KCNB2: variants seen among roughly 807,000 people sequenced by gnomAD.
KCNB2 encodes the protein delayed rectifier potassium channel protein.
A neutral mutation model predicts 61.5 loss-of-function variants in KCNB2; 15 were observed. That is an observed-to-expected ratio of 0.24 (90% confidence interval 0.16 to 0.38). The LOEUF (loss-of-function observed/expected upper bound fraction) is 0.38. Among genes scored for constraint, KCNB2 ranks in the 10% least tolerant of loss-of-function variants. KCNB2 has a pLI of 1.00. For missense variants in KCNB2, 828 were observed against 1,125.2 expected (o/e 0.74, Z 3.78); for synonymous variants, 457 against 446.0 (o/e 1.02, Z -0.31).
At chr8:72,811,665 T>A (rs1262144640) in intron 2 of KCNB2, among the ~76,000 whole-genome samples, 1 of 152,212 alleles carries the variant, frequency 6.6e-6, no homozygotes, top group Admixed American at 6.5e-5. Flanking sequence ...GGAAAGGAAA[T>A]CTTTCTTTCT....
intron 2 of KCNB2, among the ~76,000 whole-genome samples, chr8:72,922,656 A>C (rs781561488): frequency 3.0e-4 from 46 of 152,162 alleles, no homozygotes; most frequent in Non-Finnish European, 6.0e-4. Context: ...CTCTGTCTCA[A>C]TCACTTCCCA....
intron 2 of KCNB2, among the ~76,000 whole-genome samples, chr8:72,759,590 G>A (rs181441417): frequency 1.1e-4 from 17 of 152,172 alleles, no homozygotes; most frequent in African/African-American, 3.9e-4. Context: ...TAACCAAACT[G>A]CAACATGGCA....
At chr8:72,762,882 A>AAT (rs10551590) in intron 2 of KCNB2, among the ~76,000 whole-genome samples, 21,333 of 141,334 alleles carry the variant, frequency 0.15, 1,611 homozygotes, top group South Asian at 0.28. Flanking sequence ...CATATTAACA[A>AAT]ATATATATAT....
At chr8:72,674,166 A>G (rs2246063) in intron 2 of KCNB2, among the ~76,000 whole-genome samples, 107,712 of 152,026 alleles carry the variant, frequency 0.71, 39,080 homozygotes, top group African/African-American at 0.85. Context: ...CCTAAGCGTA[A>G]CTCTGATGAC....
At chr8:72,787,038 CT>C (rs1226766381) in intron 2 of KCNB2, among the ~76,000 whole-genome samples, 4 of 152,152 alleles carry the variant, frequency 2.6e-5, no homozygotes, top group African/African-American at 9.7e-5. Context: ...TGATAAAGTA[CT>C]CATCATTTTT....
Position 72,673,183 on chromosome 8 carries a change from T to C in KCNB2, c.579+104870T>C, listed in dbSNP as rs576756828. Among the ~76,000 whole-genome samples the C allele has an allele frequency of 2.0e-5, 3 of 152,312 alleles. No individual in the cohort carries two copies. In the South Asian group the frequency reaches 6.2e-4, roughly 32 times the overall value. ...GCCCAGATTTCCACTAGCAAATGAA[T>C]AGATGAGTGAAGTGTGGTGATATGG... On this transcript the variant is annotated intron_variant, in intron 2 of 2. Coordinates refer to ENST00000523207, the MANE Select transcript of KCNB2 (RefSeq NM_004770.3).
At chr8:72,904,518 A>G (rs1285532129) in intron 2 of KCNB2, among the ~76,000 whole-genome samples, 1 of 152,122 alleles carries the variant, frequency 6.6e-6, no homozygotes, top group Admixed American at 6.6e-5. Context: ...CCTGAACTTA[A>G]AAGTTGGACA....
intron 2 of KCNB2, chr8:72,749,534 A>G (rs1299508514): frequency 6.6e-6 from 1 of 151,844 alleles, no homozygotes; most frequent in African/African-American, 2.4e-5. Flanking sequence ...TCCTTTGCCC[A>G]TCTCAGCAAA....
At chr8:72,657,895 A>G (rs1806317257) in intron 2 of KCNB2, among the ~76,000 whole-genome samples, 1 of 152,156 alleles carries the variant, frequency 6.6e-6, no homozygotes, top group Non-Finnish European at 1.5e-5. Context: ...GCACCCATAT[A>G]AGACAGAGAA....
intron 2 of KCNB2, among the ~76,000 whole-genome samples, chr8:72,766,264 C>T (rs965169642): frequency 2.8e-4 from 42 of 152,324 alleles, no homozygotes; most frequent in African/African-American, 1.0e-3. Flanking sequence ...GCAACCTGGA[C>T]ATATTGTGTA....
chr8:72,716,654 G>A (rs1446699838), intron 2 of KCNB2, among the ~76,000 whole-genome samples: 1 of 152,092 alleles, frequency 6.6e-6, no homozygotes, highest in Admixed American at 6.6e-5. Context: ...GTATTGATGG[G>A]ACGTATCTCA....
At chr8:72,668,937 ATGTG>A (rs947071040) in intron 2 of KCNB2, among the ~76,000 whole-genome samples, 1 of 151,654 alleles carries the variant, frequency 6.6e-6, no homozygotes, top group Non-Finnish European at 1.5e-5. Context: ...GTGTGCATGC[ATGTG>A]TGTGTGTGTC....
Position 72,820,987 on chromosome 8 carries a change from A to G in KCNB2, c.580-114948A>G, listed in dbSNP as rs150089208. 5.5e-3 allele frequency among the ~76,000 whole-genome samples: 839 copies of G among 152,220 alleles called. 6 individuals carry two copies. The highest frequency in any genetic ancestry group is 0.019 in the African/African-American group (782 of 41,504). On this transcript the variant is annotated intron_variant, in intron 2 of 2. Transcript: ENST00000523207. ...CCTTCAAAAGAACTGTAATCTGCTA[A>G]AGTTTTTTTTACAGTATTCTGTAAC...
chr8:72,847,723 A>T (rs1261748344), intron 2 of KCNB2, among the ~76,000 whole-genome samples: 1 of 147,404 alleles, frequency 6.8e-6, no homozygotes, highest in African/African-American at 2.7e-5. Context: ...TGCAAAAAAT[A>T]AAAAAAACAG....
intron 2 of KCNB2, among the ~76,000 whole-genome samples, chr8:72,851,835 A>ACAAAACAAAAC (rs1554538985): frequency 4.3e-5 from 5 of 116,380 alleles, no homozygotes; most frequent in African/African-American, 2.0e-4. Flanking sequence ...GGAAAAAAAA[A>ACAAAACAAAAC]AAAAAAAAAA....
rs74741881 is a variant in KCNB2, at chr8:72,758,429, C to T, written c.580-177506C>T. 3.0e-4 allele frequency among the ~76,000 whole-genome samples: 45 copies of T among 152,196 alleles called. No individual in the cohort carries two copies. The East Asian group carries it at 7.9e-3, about 27-fold the overall frequency. On this transcript the variant is annotated intron_variant, in intron 2 of 2. Coordinates refer to ENST00000523207, the MANE Select transcript of KCNB2 (RefSeq NM_004770.3). ...GCAAGGATGCTGGAAAAGACCAAGCCGAACAGGCTCAAAACAAATGTGTAT... is the reference window on the plus strand; with the variant it reads ...GCAAGGATGCTGGAAAAGACCAAGCTGAACAGGCTCAAAACAAATGTGTAT...
intron 2 of KCNB2, among the ~76,000 whole-genome samples, chr8:72,839,383 C>T (rs1016347977): frequency 1.3e-5 from 2 of 152,090 alleles, no homozygotes; most frequent in Non-Finnish European, 2.9e-5. Flanking sequence ...CAATTGTATG[C>T]CTTGCCATGT....
chr8:72,790,862 G>T (rs140817971), intron 2 of KCNB2, among the ~76,000 whole-genome samples: 1 of 152,282 alleles, frequency 6.6e-6, no homozygotes, highest in African/African-American at 2.4e-5. Context: ...TTCCTGAGGA[G>T]TATCAAGTTC....
intron 2 of KCNB2, among the ~76,000 whole-genome samples, chr8:72,774,857 A>G (rs1210930819): frequency 1.3e-5 from 2 of 152,164 alleles, no homozygotes; most frequent in African/African-American, 4.8e-5. Flanking sequence ...GAGACCTGCT[A>G]GAATTCTTTA....
Sources: gnomAD v4.1 joint callset for allele counts (sites outside exome capture counted in the v4.1 genomes callset) on GRCh38, gnomAD v4.1.1 for gene constraint, MANE v1.5 for transcripts, NCBI Gene and HGNC (gene_info 2026-07-23, HGNC 2026-07-21) for gene names.